The following SH3PXD2B variants were observed in gnomAD, a reference collection of about 807,000 sequenced individuals.
The protein encoded by SH3PXD2B is SH3 and PX domains 2B.
Under a neutral mutation model 73.1 loss-of-function variants are expected in SH3PXD2B, and 37 were observed. The ratio of observed to expected loss-of-function variants is 0.51; its 90% confidence interval spans 0.39 to 0.67. The LOEUF (loss-of-function observed/expected upper bound fraction) is 0.67, where lower values mean the gene tolerates loss of function less well. SH3PXD2B is among the 30% of genes least tolerant of loss of function. The pLI, the probability that SH3PXD2B is intolerant of heterozygous loss-of-function variation, is 0.00. For missense variants in SH3PXD2B, 1,053 were observed against 1,197.8 expected, an observed-to-expected ratio of 0.88 and a Z score of 1.78; for synonymous variants, 457 against 480.5, an observed-to-expected ratio of 0.95 and a Z score of 0.64.
chr5:172,427,871 G>A lies in SH3PXD2B; in HGVS notation c.76-5375C>T, dbSNP rs57699552. ...CGGCTCACCGCAACCTCTGCCTCCC[G>A]GGTTCAAGCAATTCTCTGCCTCAGC... On this transcript the variant is annotated intron_variant, in intron 1 of 12. Transcript: ENST00000311601. 1.3e-3 allele frequency among the ~76,000 whole-genome samples: 191 copies of A among 150,918 alleles called. 2 individuals carry two copies. The East Asian group carries it at 0.031, about 24-fold the overall frequency.
intron 2 of SH3PXD2B, among the ~76,000 whole-genome samples, chr5:172,413,180 G>A (rs1440917405): frequency 6.6e-6 from 1 of 152,256 alleles, no homozygotes; most frequent in Non-Finnish European, 1.5e-5. Flanking sequence ...ATCATGCGCA[G>A]CTGCAGGCTG....
At chr5:172,399,030 T>C (rs532862424) in intron 3 of SH3PXD2B, among the ~76,000 whole-genome samples, 5 of 152,364 alleles carry the variant, frequency 3.3e-5, no homozygotes, top group East Asian at 1.9e-4. Context: ...GCCACCTTAA[T>C]TGGACAGGCT....
chr5:172,417,539 G>A (rs1167779746), intron 2 of SH3PXD2B, among the ~76,000 whole-genome samples: 1 of 152,194 alleles, frequency 6.6e-6, no homozygotes, highest in East Asian at 1.9e-4. Flanking sequence ...CTGGGCTTCT[G>A]TCATTTGTAC....
intron 4 of SH3PXD2B, among the ~76,000 whole-genome samples, chr5:172,387,352 G>A (rs1265315742): frequency 6.6e-6 from 1 of 152,246 alleles, no homozygotes; most frequent in Non-Finnish European, 1.5e-5. Context: ...GGCTTTAGCT[G>A]TCTTCATTGT....
chr5:172,389,636 G>A (rs1421511593), intron 4 of SH3PXD2B, among the ~76,000 whole-genome samples: 2 of 151,858 alleles, frequency 1.3e-5, no homozygotes, highest in Non-Finnish European at 2.9e-5. Flanking sequence ...TGAGGTGGGA[G>A]GATCACTTGA....
downstream of SH3PXD2B, among the ~76,000 whole-genome samples, chr5:172,328,834 CTCTT>C (rs1039908515): frequency 6.6e-6 from 1 of 152,004 alleles, no homozygotes; most frequent in Non-Finnish European, 1.5e-5. Flanking sequence ...ATATCAGTCA[CTCTT>C]TCCCAGGGAG....
At chr5:172,369,210 T>A (rs560194332) in intron 6 of SH3PXD2B, among the ~76,000 whole-genome samples, 2 of 148,262 alleles carry the variant, frequency 1.3e-5, no homozygotes, top group South Asian at 2.2e-4. Context: ...TTTTTATGTA[T>A]TTTTTTTGTT....
At chr5:172,407,170 T>G (rs1022287581) in intron 2 of SH3PXD2B, among the ~76,000 whole-genome samples, 1 of 152,162 alleles carries the variant, frequency 6.6e-6, no homozygotes, top group Non-Finnish European at 1.5e-5. Context: ...CAGCGTTATT[T>G]TATGGATTAA....
At chr5:172,423,510 T>C (rs1360435081) in intron 1 of SH3PXD2B, among the ~76,000 whole-genome samples, 2 of 134,228 alleles carry the variant, frequency 1.5e-5, no homozygotes, top group African/African-American at 5.5e-5. Context: ...GAATCCTCCT[T>C]CCCTACCTTC....
chr5:172,406,540 A>G (rs576133529), intron 2 of SH3PXD2B, among the ~76,000 whole-genome samples, 188 bp from the exon 3 acceptor site: 2 of 152,268 alleles, frequency 1.3e-5, no homozygotes, highest in East Asian at 1.9e-4. Flanking sequence ...CATGAAAACA[A>G]TGTTTATATC....
intron 2 of SH3PXD2B, among the ~76,000 whole-genome samples, chr5:172,411,020 G>T (rs1244338992): frequency 1.3e-5 from 2 of 152,186 alleles, no homozygotes; most frequent in Non-Finnish European, 2.9e-5. Context: ...ACAAAAGTCA[G>T]CCTGAGATGA....
rs1335953042 is a variant in SH3PXD2B, at chr5:172,350,407, C to A, written c.968G>T (p.Gly323Val). The stretch of plus-strand genomic sequence containing the variant: ...GGGCACCGGGCGGCCTTCAAACCGC[C>A]CGTCCCTCTGGCTGCTGAGCAGCTC... ...EKELLSSQRD[G>V]RFEGRPVPDG... The change falls in exon 10 of 13, where the codon GGG (glycine) becomes GTG (valine). Residue 323 changes from glycine to valine, a missense_variant. Transcript: ENST00000311601. The A allele has an allele frequency of 3.7e-6, 6 of 1,613,972 alleles. No homozygotes were observed. The highest frequency in any genetic ancestry group is 5.1e-6 in the Non-Finnish European group (6 of 1,180,020).
downstream of SH3PXD2B, among the ~76,000 whole-genome samples, chr5:172,333,100 G>A (rs948815641): frequency 0.014 from 5 of 348 alleles, no homozygotes; most frequent in East Asian, 0.077. Flanking sequence ...CACGCCCGGC[G>A]AATTTTTGTA....
chr5:172,385,999 G>A (rs549104761), intron 4 of SH3PXD2B, among the ~76,000 whole-genome samples: 185 of 152,356 alleles, frequency 1.2e-3, no homozygotes, highest in Non-Finnish European at 2.2e-3. Flanking sequence ...GTCCTGTTCT[G>A]GAACGGATCC....
chr5:172,355,459 G>C (rs551332443), intron 8 of SH3PXD2B, among the ~76,000 whole-genome samples: 13 of 152,168 alleles, frequency 8.5e-5, no homozygotes, highest in Non-Finnish European at 1.6e-4. Context: ...GTGCCACCCG[G>C]GTCCCAGAAA....
intron 1 of SH3PXD2B, among the ~76,000 whole-genome samples, chr5:172,434,397 G>A (rs141124409): frequency 9.9e-5 from 15 of 152,082 alleles, no homozygotes; most frequent in African/African-American, 3.1e-4. Context: ...CATCCTTGCC[G>A]ACCCACTGGC....
Position 172,350,382 on chromosome 5 carries a change from G to A in SH3PXD2B, c.993C>T (p.Pro331=), listed in dbSNP as rs780107129. 6.2e-6 allele frequency: 10 copies of A among 1,613,566 alleles called. No individual in the cohort carries two copies. The highest frequency in any genetic ancestry group is 4.5e-5 in the East Asian group (2 of 44,872). The change falls in exon 10 of 13, where the codon CCC becomes CCT. Residue 331 remains proline (P), a synonymous_variant. Coordinates refer to ENST00000311601, the MANE Select transcript of SH3PXD2B (RefSeq NM_001017995.3). ...ACTCACTCTGCTTGGCGTCACCGTC[G>A]GGCACCGGGCGGCCTTCAAACCGCC... The part of the protein sequence containing the change: ...RDGRFEGRPV[P]DGDAKQRSPK...
intron 12 of SH3PXD2B, among the ~76,000 whole-genome samples, chr5:172,328,150 ACTCT>A (rs1756481499): frequency 2.2e-5 from 3 of 133,580 alleles, no homozygotes; most frequent in East Asian, 2.2e-4. Context: ...ATGGAGTCTC[ACTCT>A]CTCACTCTGT....
At chr5:172,382,546 T>TG (rs1385303871) in intron 4 of SH3PXD2B, among the ~76,000 whole-genome samples, 15 of 134,366 alleles carry the variant, frequency 1.1e-4, no homozygotes, top group African/African-American at 4.4e-4. Flanking sequence ...ATGCTGCTGG[T>TG]TTGGAGAACA....
Sources: allele counts gnomAD v4.1 joint callset (sites outside exome capture counted in the v4.1 genomes callset), GRCh38; gene constraint gnomAD v4.1.1; transcripts MANE v1.5; gene names NCBI Gene and HGNC (gene_info 2026-07-23, HGNC 2026-07-21).